CDH12: variants seen among roughly 807,000 people sequenced by gnomAD.
The protein encoded by CDH12 is cadherin 12.
Under a neutral mutation model 74.1 loss-of-function variants are expected in CDH12, and 41 were observed. The ratio of observed to expected loss-of-function variants is 0.55; its 90% CI spans 0.43 to 0.72. The LOEUF (loss-of-function observed/expected upper bound fraction) is 0.72. Among genes scored for constraint, CDH12 ranks in the 30% least tolerant of loss-of-function variants. The pLI, the probability that CDH12 is intolerant of heterozygous loss-of-function variation, is 0.00. For missense variants in CDH12, 945 were observed against 977.2 expected (o/e 0.97, Z 0.44); for synonymous variants, 399 against 355.0 (o/e 1.12, Z -1.39).
chr5:22,639,341 C>CTCTATAAGTCCTATAAGTCCTAGTTCTA (rs1305872549), intron 1 of CDH12, among the ~76,000 whole-genome samples: 4 of 151,376 alleles, frequency 2.6e-5, no homozygotes, highest in African/African-American at 9.7e-5. Context: ...GCTATATAAG[C>CTCTATAAGTCCTATAAGTCCTAGTTCTA]TAAGTCCTAG....
chr5:22,371,440 T>A (rs964509325), intron 3 of CDH12, among the ~76,000 whole-genome samples: 9 of 152,198 alleles, frequency 5.9e-5, no homozygotes, highest in African/African-American at 1.4e-4. Context: ...TATTTTTAAA[T>A]TTGAAAATAA....
chr5:22,551,662 G>A (rs980041231), intron 1 of CDH12, among the ~76,000 whole-genome samples: 36 of 151,866 alleles, frequency 2.4e-4, no homozygotes, highest in Non-Finnish European at 4.3e-4. Context: ...TGATATTCTT[G>A]TGAGGGACAC....
chr5:22,648,536 T>C (rs931324750), intron 1 of CDH12, among the ~76,000 whole-genome samples: 2 of 151,852 alleles, frequency 1.3e-5, no homozygotes, highest in African/African-American at 4.8e-5. Context: ...CTAGGAGATA[T>C]CTAAGTTCTC....
At chr5:22,138,728 T>G (rs1278030750) in intron 4 of CDH12, among the ~76,000 whole-genome samples, 1 of 149,172 alleles carries the variant, frequency 6.7e-6, no homozygotes, top group Admixed American at 6.7e-5. Context: ...GTTAGTCTTT[T>G]GTTTTGCTGT....
intron 2 of CDH12, among the ~76,000 whole-genome samples, chr5:22,449,860 C>T (rs1323956188): frequency 6.6e-6 from 1 of 152,042 alleles, no homozygotes; most frequent in African/African-American, 2.4e-5. Context: ...CCTGAAAACC[C>T]CAACACATTC....
At chr5:22,470,363 A>AT (rs2126604115) in intron 2 of CDH12, among the ~76,000 whole-genome samples, 1 of 150,998 alleles carries the variant, frequency 6.6e-6, no homozygotes, top group Non-Finnish European at 1.5e-5. Context: ...TTTTCTCCTT[A>AT]TTTTTCCATT....
chr5:22,125,601 G>C (rs1037626742), intron 4 of CDH12, among the ~76,000 whole-genome samples: 1 of 152,150 alleles, frequency 6.6e-6, no homozygotes, highest in Non-Finnish European at 1.5e-5. Flanking sequence ...TTCCAGCTGA[G>C]TCAATGGCTC....
intron 3 of CDH12, among the ~76,000 whole-genome samples, chr5:22,318,499 T>C (rs1349624778): frequency 2.6e-5 from 4 of 152,216 alleles, no homozygotes; most frequent in African/African-American, 7.2e-5. Flanking sequence ...GTATCATTTA[T>C]CAAAGTTCCA....
At chr5:22,633,915 C>T (rs774527236) in intron 1 of CDH12, among the ~76,000 whole-genome samples, 5 of 151,922 alleles carry the variant, frequency 3.3e-5, no homozygotes, top group Admixed American at 6.6e-5. Flanking sequence ...ACGACTAATA[C>T]GGATGGGATT....
intron 2 of CDH12, among the ~76,000 whole-genome samples, chr5:22,425,385 C>T (rs1321740556): frequency 6.6e-6 from 1 of 150,952 alleles, no homozygotes; most frequent in East Asian, 1.9e-4. Flanking sequence ...GTACTGTGTA[C>T]TTATTTATTT....
chr5:22,638,894 C>CA (rs11462309), intron 1 of CDH12: 9,027 of 150,924 alleles, frequency 0.06, 475 homozygotes, highest in East Asian at 0.2. Context: ...ATTAAAAATA[C>CA]AAAAAAATTA....
intron 1 of CDH12, among the ~76,000 whole-genome samples, chr5:22,679,256 T>C (rs1180312838): frequency 6.6e-6 from 1 of 152,060 alleles, no homozygotes; most frequent in African/African-American, 2.4e-5. Flanking sequence ...AAGTGGAAAA[T>C]TTGCAAATCC....
intron 1 of CDH12, among the ~76,000 whole-genome samples, chr5:22,826,106 C>T (rs1387458000): frequency 6.6e-6 from 1 of 152,100 alleles, no homozygotes; most frequent in Non-Finnish European, 1.5e-5. Flanking sequence ...TATCTTGTAG[C>T]TGCCATAATT....
chr5:22,101,496 T>C (rs1054618565), intron 4 of CDH12, among the ~76,000 whole-genome samples: 1 of 152,162 alleles, frequency 6.6e-6, no homozygotes, highest in South Asian at 2.1e-4. Flanking sequence ...GACTATTTAA[T>C]TTTCCCAGAA....
At position 22,193,465 on chromosome 5, in the gene CDH12, C is replaced by A. The variant is rs543400247; in HGVS notation, c.-187+19033G>T. Among the ~76,000 whole-genome samples, 146 of 152,292 alleles carry A rather than the reference C, an allele frequency of 9.6e-4. 3 individuals are homozygous for A. In the South Asian group the frequency reaches 0.03, roughly 31 times the overall value. ...TCTTTTTGCTGGTTACTTTCCTAGGCATTGAGGAGTACAGGTGAATTCATA... is the reference window on the plus strand; with the variant it reads ...TCTTTTTGCTGGTTACTTTCCTAGGAATTGAGGAGTACAGGTGAATTCATA... On this transcript the variant is annotated intron_variant, in intron 4 of 14. Transcript: ENST00000382254.
chr5:22,023,647 C>G (rs1738151513), intron 5 of CDH12, among the ~76,000 whole-genome samples: 1 of 151,756 alleles, frequency 6.6e-6, no homozygotes, highest in Admixed American at 6.6e-5. Context: ...ACTTATTACA[C>G]AAGAAGCAGA....
intron 5 of CDH12, among the ~76,000 whole-genome samples, chr5:22,072,749 C>T (rs1376492178): frequency 6.6e-6 from 1 of 151,782 alleles, no homozygotes; most frequent in African/African-American, 2.4e-5. Flanking sequence ...GTGTGATGTT[C>T]CCCTTTCTGT....
intron 5 of CDH12, among the ~76,000 whole-genome samples, chr5:22,073,445 A>G (rs890451027): frequency 5.9e-5 from 9 of 152,130 alleles, no homozygotes; most frequent in African/African-American, 2.2e-4. Flanking sequence ...AGCATAAATC[A>G]TGTTGGTGTG....
chr5:22,794,727 C>A (rs72748750), intron 1 of CDH12, among the ~76,000 whole-genome samples: 15,429 of 152,120 alleles, frequency 0.1, 1,075 homozygotes, highest in Non-Finnish European at 0.15. Flanking sequence ...TGTCCTAATC[C>A]CTGAAACCTG....
Sources: gnomAD v4.1 joint callset for allele counts (sites outside exome capture counted in the v4.1 genomes callset) on GRCh38, gnomAD v4.1.1 for gene constraint, MANE v1.5 for transcripts, NCBI Gene and HGNC (gene_info 2026-07-23, HGNC 2026-07-21) for gene names.